Variants in ATP1A2 observed in about 807,000 individuals in gnomAD.
The protein encoded by ATP1A2 is ATPase Na+/K+ transporting subunit alpha 2, also known as sodium/potassium-transporting ATPase subunit alpha-2.
ATP1A2 carries 56 observed loss-of-function variants against 113.1 expected under a neutral mutation model. That is an observed-to-expected ratio of 0.49 (90% CI 0.40 to 0.62). The LOEUF is 0.62. Among genes scored for constraint, ATP1A2 ranks in the 20% least tolerant of loss-of-function variants. The probability of loss-of-function intolerance (pLI) is 0.00; values close to 1 mark genes in which losing one functional copy is unlikely to be tolerated. For missense variants in ATP1A2, 712 were observed against 1,357.8 expected, an observed-to-expected ratio of 0.52 and a Z score of 7.47; for synonymous variants, 490 against 526.8, an observed-to-expected ratio of 0.93 and a Z score of 0.96.
chr1:160,139,817 G>C (rs776333926), intron 21 of ATP1A2, 76 bp downstream of exon 21: 9 of 1,609,836 alleles, frequency 5.6e-6, no homozygotes, highest in Non-Finnish European at 7.7e-6. Flanking sequence ...AGTTCTGATC[G>C]CTTTGAATGC....
At chr1:160,140,018 A>G (rs761929805) in intron 22 of ATP1A2, 34 bp downstream of exon 22, 1 of 1,599,322 alleles carries the variant, frequency 6.3e-7, no homozygotes, top group Non-Finnish European at 8.6e-7. Context: ...AGCAAAGTGC[A>G]AGCCCCACCA....
intron 22 of ATP1A2, 147 bp downstream of exon 22, chr1:160,140,131 C>A: frequency 3.7e-6 from 3 of 813,140 alleles, no homozygotes; most frequent in African/African-American, 1.7e-5. Flanking sequence ...GTCCCAGGAG[C>A]CCTGACTCTT....
chr1:160,128,458 G>T (rs1345938193), intron 8 of ATP1A2, 194 bp from the exon 9 acceptor site: 2 of 1,503,502 alleles, frequency 1.3e-6, no homozygotes, highest in East Asian at 2.5e-5. Flanking sequence ...CCCCTAATGG[G>T]CATTTCATCT....
chr1:160,128,229 G>T (rs900781864), intron 8 of ATP1A2, among the ~76,000 whole-genome samples: 2 of 152,000 alleles, frequency 1.3e-5, no homozygotes, highest in Non-Finnish European at 2.9e-5. Context: ...CTCTTTTGTC[G>T]ATTGCTGTGA....
At position 160,139,866 on chromosome 1, in the gene ATP1A2, G is replaced by C. The variant is rs17846718; in HGVS notation, c.2943-27G>C. 214,816 of 1,612,732 alleles carry C rather than the reference G, an allele frequency of 0.13. 14,953 individuals are homozygous for C. Among genetic ancestry groups the C allele is most frequent in the Admixed American group, 0.14 (8,435 of 60,016 alleles). On this transcript the variant is annotated intron_variant, in intron 21 of 22. Transcript: ENST00000361216. ...AGCCACCAAGCCAACCTCTGATGCT[G>C]CTGACACTCTCCTCCATTGCTTTCA...
intron 7 of ATP1A2, chr1:160,125,493 C>T: frequency 1.9e-6 from 1 of 533,258 alleles, no homozygotes; most frequent in Non-Finnish European, 3.3e-6. Context: ...CTGTCCACCC[C>T]AAGACTGAGT....
At chr1:160,117,622 G>A (rs1354869209) in intron 1 of ATP1A2, among the ~76,000 whole-genome samples, 1 of 152,036 alleles carries the variant, frequency 6.6e-6, no homozygotes, top group Non-Finnish European at 1.5e-5. Context: ...CCCTGAAGAG[G>A]GAAGGCATCT....
intron 1 of ATP1A2, among the ~76,000 whole-genome samples, chr1:160,116,578 G>A (rs1361754257): frequency 2.0e-5 from 3 of 152,002 alleles, no homozygotes; most frequent in Admixed American, 2.0e-4. Context: ...GCATTCTGCA[G>A]CAATGGCTAC....
At chr1:160,125,086 C>A (rs1326955721) in intron 6 of ATP1A2, 50 bp from the exon 7 acceptor site, 2 of 1,464,286 alleles carry the variant, frequency 1.4e-6, no homozygotes, top group African/African-American at 2.8e-5. Context: ...CAGCTGTGTG[C>A]ATACAAGTGG....
Position 160,130,140 on chromosome 1 carries a change from C to T in ATP1A2, c.1500C>T (p.His500=), listed in dbSNP as rs140480795. 3.5e-5 allele frequency: 56 copies of T among 1,614,220 alleles called. No individual in the cohort carries two copies. The African/African-American group carries it at 4.5e-4, about 13-fold the overall frequency. ...IHEREDSPQS[H]VLVMKGAPER... ...AGCGAGAAGACAGCCCCCAGAGCCA[C>T]GTGCTGGTGATGAAGGGGGCCCCAG... Residue 500 remains histidine, a synonymous_variant, in exon 12 of 23, where the codon CAC becomes CAT. Transcript: ENST00000361216.
rs773681174 is a variant in ATP1A2 at position 160,123,282 on chromosome 1, A to G, written c.247A>G (p.Thr83Ala). Residue 83 changes from threonine (T) to alanine (A), a missense_variant, in exon 4 of 23, where the codon ACA (threonine) becomes GCA (alanine). By Grantham distance (58) the Thr-to-Ala change is moderately conservative. This residue lies in a region of ATP1A2 where 109 missense variants were observed against 162.3 expected (regional missense o/e 0.67). Coordinates refer to ENST00000361216, the MANE Select transcript of ATP1A2 (RefSeq NM_000702.4). Reference sequence around the variant, plus strand: ...GCCCAACGCCCTCACACCACCTCCCACAACCCCTGAGTGGGTCAAGTTCTG... The same window carrying G: ...GCCCAACGCCCTCACACCACCTCCCGCAACCCCTGAGTGGGTCAAGTTCTG... ...DGPNALTPPP[T>A]TPEWVKFCRQ... 3.1e-6 allele frequency: 5 copies of G among 1,614,148 alleles called. No homozygotes were observed. Among genetic ancestry groups the G allele is most frequent in the South Asian group, 2.2e-5 (2 of 91,086 alleles).
intron 8 of ATP1A2, chr1:160,128,310 C>T: frequency 1.9e-6 from 1 of 531,482 alleles, no homozygotes; most frequent in East Asian, 4.6e-5. Flanking sequence ...CAGGCCTCAG[C>T]TGTCTGTTCT....
rs1651895831 is a variant in ATP1A2, at chr1:160,135,163, G to A, written c.1983G>A (p.Val661=). ...CCTCCAGAGAAGCCAAGGCATGCGT[G>A]GTGCACGGCTCTGACCTGAAGGACA... ...QVNPREAKAC[V]VHGSDLKDMT... is the part of the protein sequence containing the mutation. Residue 661 remains valine, a synonymous_variant, in exon 15 of 23, where the codon GTG becomes GTA. Transcript: ENST00000361216. The surrounding 1 kb of genome is among the most constrained non-coding windows in gnomAD (Gnocchi z 6.3). The A allele has an allele frequency of 6.2e-7, 1 of 1,613,968 alleles. No individual in the cohort carries two copies. Among genetic ancestry groups the A allele is most frequent in the Admixed American group, 1.7e-5 (1 of 59,994 alleles).
chr1:160,118,187 A>T (rs1651250448), intron 1 of ATP1A2, among the ~76,000 whole-genome samples: 2 of 152,252 alleles, frequency 1.3e-5, no homozygotes, highest in African/African-American at 2.4e-5. Flanking sequence ...CAGCATGCCA[A>T]AGTGCATGGA....
In ATP1A2 at chr1:160,135,722, A is replaced by G. The variant is rs1019224439; in HGVS notation, c.2285-117A>G. ...AACTCTAGGCAGCCCAGCCCACTTTAGCTTCCCTTGAACACAAAATCTTCC... is the reference window on the plus strand; with the variant it reads ...AACTCTAGGCAGCCCAGCCCACTTTGGCTTCCCTTGAACACAAAATCTTCC... On this transcript the variant is annotated intron_variant, in intron 16 of 22. Transcript: ENST00000361216. The surrounding 1 kb of genome is among the most constrained non-coding windows in gnomAD (Gnocchi z 6.3). 6.2e-6 allele frequency: 10 copies of G among 1,609,646 alleles called. No homozygotes were observed. The African/African-American group carries it at 1.1e-4, about 17-fold the overall frequency.
chr1:160,133,780 C>T (rs1651835770), intron 13 of ATP1A2, among the ~76,000 whole-genome samples: 1 of 152,056 alleles, frequency 6.6e-6, no homozygotes, highest in African/African-American at 2.4e-5. Flanking sequence ...GTTAAAGGGT[C>T]CTTCCAGCTC....
rs746166011 is a variant in ATP1A2 at position 160,135,277 on chromosome 1, G to A, written c.2097G>A (p.Val699=). Residue 699 remains valine, a synonymous_variant, in exon 15 of 23, where the codon GTG becomes GTA. Coordinates refer to ENST00000361216, the MANE Select transcript of ATP1A2 (RefSeq NM_000702.4). The surrounding 1 kb of genome is among the most constrained non-coding windows in gnomAD (Gnocchi z 6.3). ...RTSPQQKLII[V]EGCQRQGAIV... Reference sequence around the variant, plus strand: ...CTCCCCAGCAGAAGCTCATCATTGTGGAGGGATGTCAGAGGCAGGTGAGCA... The same window carrying A: ...CTCCCCAGCAGAAGCTCATCATTGTAGAGGGATGTCAGAGGCAGGTGAGCA... The A allele has an allele frequency of 4.3e-6, 7 of 1,614,202 alleles. No homozygotes were observed. In the South Asian group the frequency reaches 6.6e-5, roughly 15 times the overall value.
chr1:160,121,067 C>A (rs1651379175), intron 2 of ATP1A2, 57 bp downstream of exon 2: 5 of 1,606,390 alleles, frequency 3.1e-6, no homozygotes, highest in East Asian at 2.2e-5. Context: ...GCTGTCCCTG[C>A]AGCCCATTGC....
rs747016236 is a variant in ATP1A2 at position 160,136,941 on chromosome 1, C to T, written c.2750C>T (p.Thr917Met). 1.2e-6 allele frequency: 2 copies of T among 1,614,150 alleles called. No homozygotes were observed. Among genetic ancestry groups the T allele is most frequent in the African/African-American group, 1.3e-5 (1 of 75,044 alleles). The change falls in exon 20 of 23, where the codon ACG (threonine) becomes ATG (methionine). Residue 917 changes from threonine to methionine, a missense_variant. By Grantham distance (81) the Thr-to-Met change is moderately conservative. Around this residue, in one of 6 missense-constraint regions of ATP1A2, gnomAD observed 188 missense variants for 438.9 expected, o/e 0.43. Transcript: ENST00000361216. ...QRKVVEFTCH[T>M]AFFASIVVVQ... is the part of the protein sequence containing the mutation. ...AAGGTGGTGGAGTTCACGTGCCACACGGCATTCTTTGCCAGCATCGTGGTG... is the reference window on the plus strand; with the variant it reads ...AAGGTGGTGGAGTTCACGTGCCACATGGCATTCTTTGCCAGCATCGTGGTG...
Sources: allele counts gnomAD v4.1 joint callset (sites outside exome capture counted in the v4.1 genomes callset), GRCh38; gene constraint gnomAD v4.1.1; regional missense constraint gnomAD v4.1.1; non-coding constraint Gnocchi (gnomAD v3.1); transcripts MANE v1.5; gene names NCBI Gene and HGNC (gene_info 2026-07-23, HGNC 2026-07-21).